The following MAP2 variants were observed in gnomAD, a reference collection of about 807,000 sequenced individuals.
The protein encoded by MAP2 is microtubule associated protein 2.
In MAP2, 14 loss-of-function variants were observed where a neutral mutation model predicts 137.6. The ratio of observed to expected loss-of-function variants is 0.10; its 90% CI spans 0.07 to 0.16. The LOEUF (loss-of-function observed/expected upper bound fraction) is 0.16. Ranked by LOEUF, MAP2 falls within the 10% of genes least tolerant of loss-of-function variation. The pLI, the probability that MAP2 is intolerant of heterozygous loss-of-function variation, is 1.00. For missense variants in MAP2, 2,088 were observed against 2,191.5 expected, an observed-to-expected ratio of 0.95 and a Z score of 0.94; for synonymous variants, 786 against 782.3, an observed-to-expected ratio of 1.00 and a Z score of -0.08.
chr2:209,643,381 A>G (rs1431410372), intron 4 of MAP2, among the ~76,000 whole-genome samples: 2 of 152,168 alleles, frequency 1.3e-5, no homozygotes, highest in Non-Finnish European at 2.9e-5. Context: ...CAGGAGGGAA[A>G]GTTCTATTCT....
intron 1 of MAP2, among the ~76,000 whole-genome samples, chr2:209,489,939 G>T (rs2058863989): frequency 6.6e-6 from 1 of 152,194 alleles, no homozygotes; most frequent in Non-Finnish European, 1.5e-5. Flanking sequence ...GAAATACAAA[G>T]AACACTGCAG....
rs563304182 is a variant in MAP2, at chr2:209,661,505, G to A, written c.262+8073G>A. The A allele has an allele frequency of 1.5e-4, 147 of 985,406 alleles. 1 individual carries two copies. The South Asian group carries it at 6.0e-3, about 40-fold the overall frequency. The allele number at this position is 985,406 out of a possible 1,614,324, so 61.0% of individuals were successfully genotyped here. ...CAGAGCAGAGTTATTTAGCATTCAA[G>A]GGTGGATCTGCAGAAAATCACACAG... On this transcript the variant is annotated intron_variant, in intron 5 of 15. Coordinates refer to ENST00000682079, the MANE Select transcript of MAP2 (RefSeq NM_001375505.1).
intron 4 of MAP2, among the ~76,000 whole-genome samples, chr2:209,650,375 C>G (rs1352493499): frequency 6.6e-6 from 1 of 152,172 alleles, no homozygotes; most frequent in Non-Finnish European, 1.5e-5. Flanking sequence ...TCAGAAGGCT[C>G]ATAGTGTTCC....
chr2:209,655,173 A>T (rs2095064135), intron 5 of MAP2, among the ~76,000 whole-genome samples: 1 of 152,220 alleles, frequency 6.6e-6, no homozygotes, highest in African/African-American at 2.4e-5. Flanking sequence ...GTTTCTTTTA[A>T]ATGATGGGTT....
At chr2:209,643,770 C>G (rs2094207973) in intron 4 of MAP2, among the ~76,000 whole-genome samples, 1 of 152,170 alleles carries the variant, frequency 6.6e-6, no homozygotes, top group African/African-American at 2.4e-5. Context: ...CACAACAGAG[C>G]ACTGCCTTAT....
intron 2 of MAP2, among the ~76,000 whole-genome samples, chr2:209,570,665 T>C (rs761225776): frequency 3.9e-5 from 6 of 151,900 alleles, no homozygotes; most frequent in Non-Finnish European, 7.4e-5. Flanking sequence ...ATGTTGGCGA[T>C]TCTGAGAAAG....
rs74969683 is a variant in MAP2 at position 209,485,692 on chromosome 2, A to G, written c.-221-21900A>G. Among the ~76,000 whole-genome samples the G allele has an allele frequency of 1.7e-3, 266 of 152,316 alleles. 1 individual carries two copies. The highest frequency in any genetic ancestry group is 3.2e-3 in the Non-Finnish European group (215 of 68,028). On this transcript the variant is annotated intron_variant, in intron 1 of 15. Transcript: ENST00000682079. ...GAAGAACTAGAAGACCAACAGATAT[A>G]AGCTGTTAGTTTTAGTGTTGGCACC...
intron 2 of MAP2, among the ~76,000 whole-genome samples, chr2:209,510,927 A>G (rs1176572015): frequency 6.6e-6 from 1 of 151,980 alleles, no homozygotes; most frequent in East Asian, 1.9e-4. Context: ...GAGGTTGAGG[A>G]CCCTAAGGAA....
At chr2:209,613,663 T>C (rs1181751793) in intron 3 of MAP2, among the ~76,000 whole-genome samples, 5 of 152,178 alleles carry the variant, frequency 3.3e-5, no homozygotes, top group African/African-American at 1.2e-4. Flanking sequence ...AGTGGGACTT[T>C]TTTATTGTAG....
At position 209,553,542 on chromosome 2, in the gene MAP2, T is replaced by C. The variant is rs529164724; in HGVS notation, c.-171-26494T>C. Among the ~76,000 whole-genome samples the C allele has an allele frequency of 7.9e-5, 12 of 152,342 alleles. No individual in the cohort carries two copies. The East Asian group carries it at 1.9e-3, about 25-fold the overall frequency. On this transcript the variant is annotated intron_variant, in intron 2 of 15. Coordinates refer to ENST00000682079, the MANE Select transcript of MAP2 (RefSeq NM_001375505.1). ...ACATTGATTTCCTGATGTAAATGAC[T>C]GCTCTGATTATTGTTGCTGTTATTA...
At chr2:209,555,645 A>C (rs564231682) in intron 2 of MAP2, among the ~76,000 whole-genome samples, 108 of 152,300 alleles carry the variant, frequency 7.1e-4, no homozygotes, top group Non-Finnish European at 1.3e-3. Flanking sequence ...TCACAACTCA[A>C]GTTTATTTCT....
intron 3 of MAP2, among the ~76,000 whole-genome samples, chr2:209,587,255 G>A (rs1344231799): frequency 6.6e-6 from 1 of 151,968 alleles, no homozygotes; most frequent in Non-Finnish European, 1.5e-5. Flanking sequence ...CTCCTCTGTG[G>A]GAAGCTTCTG....
At chr2:209,645,116 A>G (rs192953712) in intron 4 of MAP2, among the ~76,000 whole-genome samples, 14 of 152,340 alleles carry the variant, frequency 9.2e-5, no homozygotes, top group African/African-American at 1.4e-4. Flanking sequence ...ACACTTAAAT[A>G]AGTATGTCTA....
chr2:209,438,109 G>A (rs1268396681), intron 1 of MAP2, among the ~76,000 whole-genome samples: 1 of 151,560 alleles, frequency 6.6e-6, no homozygotes, highest in Non-Finnish European at 1.5e-5. Context: ...ATTAGCAAGA[G>A]GTTACATTAA....
At chr2:209,470,824 A>AC (rs1200100671) in intron 1 of MAP2, among the ~76,000 whole-genome samples, 3 of 152,112 alleles carry the variant, frequency 2.0e-5, no homozygotes, top group Non-Finnish European at 4.4e-5. Context: ...GAGGGCAAAA[A>AC]CCACTTGCAC....
intron 3 of MAP2, among the ~76,000 whole-genome samples, chr2:209,585,266 A>G (rs74743866): frequency 6.6e-6 from 1 of 151,906 alleles, no homozygotes; most frequent in African/African-American, 2.4e-5. Flanking sequence ...AAAAAAAAAA[A>G]GCAAAGAAAG....
At chr2:209,640,197 G>T (rs534648293) in intron 4 of MAP2, among the ~76,000 whole-genome samples, 17 of 151,848 alleles carry the variant, frequency 1.1e-4, no homozygotes, top group African/African-American at 3.9e-4. Flanking sequence ...ACAACTTCCC[G>T]TCCTTATCAC....
intron 1 of MAP2, among the ~76,000 whole-genome samples, chr2:209,486,105 A>T (rs866757762): frequency 6.6e-6 from 1 of 152,152 alleles, no homozygotes; most frequent in Admixed American, 6.5e-5. Context: ...CTTGTTGACA[A>T]CTTCTTCACC....
At chr2:209,560,539 G>A (rs137906225) in intron 2 of MAP2, among the ~76,000 whole-genome samples, 1 of 150,528 alleles carries the variant, frequency 6.6e-6, no homozygotes, top group East Asian at 2.0e-4. Flanking sequence ...GAGTGCAGTG[G>A]TGTGCTCATG....
Sources: gnomAD v4.1 joint callset for allele counts (sites outside exome capture counted in the v4.1 genomes callset) on GRCh38, gnomAD v4.1.1 for gene constraint, MANE v1.5 for transcripts, NCBI Gene and HGNC (gene_info 2026-07-23, HGNC 2026-07-21) for gene names.